Variants in JARID2 observed in about 807,000 individuals in gnomAD.
JARID2 encodes the protein jumonji and AT-rich interaction domain containing 2.
JARID2 carries 21 observed loss-of-function variants against 125.6 expected under a neutral mutation model. That is an observed-to-expected ratio of 0.17 (90% confidence interval 0.12 to 0.24). JARID2 has a LOEUF of 0.24. JARID2 is among the 10% of genes least tolerant of loss of function. The pLI, the probability that JARID2 is intolerant of heterozygous loss-of-function variation, is 1.00. For synonymous variants in JARID2, 736 were observed against 661.6 expected (o/e 1.11, Z -1.73); for missense variants, 1,303 against 1,639.6 (o/e 0.79, Z 3.55).
At chr6:15,314,588 T>C (rs1250955499) in intron 1 of JARID2, among the ~76,000 whole-genome samples, 2 of 152,188 alleles carry the variant, frequency 1.3e-5, no homozygotes, top group African/African-American at 4.8e-5. Flanking sequence ...TTAGACATAG[T>C]TTAATCAGTT....
intron 6 of JARID2, among the ~76,000 whole-genome samples, chr6:15,493,490 TGTCC>T (rs1323135458): frequency 6.6e-6 from 1 of 152,170 alleles, no homozygotes; most frequent in Non-Finnish European, 1.5e-5. Context: ...AGCCGCACTG[TGTCC>T]GTCTCCTTAA....
chr6:15,393,217 A>G (rs35096079), intron 2 of JARID2, among the ~76,000 whole-genome samples: 2,701 of 152,114 alleles, frequency 0.018, 49 homozygotes, highest in Non-Finnish European at 0.027. Context: ...AAAAATTGAT[A>G]TTTTACTCAA....
chr6:15,335,261 G>A (rs1234962498), intron 1 of JARID2, among the ~76,000 whole-genome samples: 1 of 152,024 alleles, frequency 6.6e-6, no homozygotes, highest in African/African-American at 2.4e-5. Flanking sequence ...CACTATGCCC[G>A]GCTAATTTTT....
intron 5 of JARID2, among the ~76,000 whole-genome samples, chr6:15,470,184 A>G (rs1769005576): frequency 6.6e-6 from 1 of 151,626 alleles, no homozygotes; most frequent in Non-Finnish European, 1.5e-5. Context: ...CTCAAAAAAA[A>G]AAAAAAAGTA....
At chr6:15,469,339 G>GTC (rs146456388) in intron 5 of JARID2, among the ~76,000 whole-genome samples, 2,514 of 14,272 alleles carry the variant, frequency 0.18, 410 homozygotes, top group Non-Finnish European at 0.19. Context: ...TCTCTCTCCT[G>GTC]TCTCTCTCTC....
At chr6:15,259,575 A>G (rs1007757101) in intron 1 of JARID2, among the ~76,000 whole-genome samples, 1 of 152,192 alleles carries the variant, frequency 6.6e-6, no homozygotes, top group East Asian at 1.9e-4. Flanking sequence ...TGCCAAAAGA[A>G]TGGTGGACTT....
At chr6:15,429,439 C>A (rs1766878043) in intron 3 of JARID2, among the ~76,000 whole-genome samples, 2 of 152,100 alleles carry the variant, frequency 1.3e-5, no homozygotes, top group South Asian at 4.2e-4. Context: ...CATACATTTT[C>A]ATATTTTGTA....
intron 1 of JARID2, among the ~76,000 whole-genome samples, chr6:15,292,785 GCATCCTGAGTGGCTGGAAC>G (rs1761276201): frequency 6.6e-6 from 1 of 152,140 alleles, no homozygotes; most frequent in African/African-American, 2.4e-5. Flanking sequence ...GTCCACTTCA[GCATCCTGAGTGGCTGGAAC>G]CATTGGTGTG....
At chr6:15,302,347 C>T (rs745895809) in intron 1 of JARID2, among the ~76,000 whole-genome samples, 5 of 151,930 alleles carry the variant, frequency 3.3e-5, no homozygotes, top group East Asian at 1.9e-4. Context: ...ACCTGGGAAG[C>T]GGAGTTGCAG....
intron 1 of JARID2, among the ~76,000 whole-genome samples, chr6:15,347,759 G>A (rs1308545137): frequency 2.0e-5 from 3 of 152,148 alleles, no homozygotes; most frequent in East Asian, 1.9e-4. Context: ...GCTCTGTCAC[G>A]CAAGCTGGAG....
chr6:15,321,049 C>T (rs959492740), intron 1 of JARID2, among the ~76,000 whole-genome samples: 12 of 152,068 alleles, frequency 7.9e-5, no homozygotes, highest in African/African-American at 2.9e-4. Flanking sequence ...TAGTATTTTG[C>T]AGTAGTTAGT....
chr6:15,443,971 G>A (rs1347969048), intron 3 of JARID2, among the ~76,000 whole-genome samples: 4 of 152,204 alleles, frequency 2.6e-5, no homozygotes, highest in African/African-American at 7.2e-5. Context: ...TTCCGGCTAT[G>A]GCAAATGTTT....
At chr6:15,402,365 C>T (rs1462419545) in intron 2 of JARID2, among the ~76,000 whole-genome samples, 1 of 152,126 alleles carries the variant, frequency 6.6e-6, no homozygotes, top group Non-Finnish European at 1.5e-5. Context: ...CTTTAGAGAC[C>T]TAAGTACATA....
At chr6:15,462,007 G>A (rs953932282) in intron 4 of JARID2, among the ~76,000 whole-genome samples, 6 of 152,134 alleles carry the variant, frequency 3.9e-5, no homozygotes, top group African/African-American at 1.2e-4. Flanking sequence ...ATGCTATTGA[G>A]GGCTGCTTCC....
At chr6:15,253,160 T>A (rs1759521487) in intron 1 of JARID2, among the ~76,000 whole-genome samples, 1 of 151,812 alleles carries the variant, frequency 6.6e-6, no homozygotes, top group South Asian at 2.1e-4. Context: ...AGCTCCTGGG[T>A]TCAAGCTATT....
intron 2 of JARID2, among the ~76,000 whole-genome samples, chr6:15,388,818 T>C (rs979641327): frequency 2.0e-5 from 3 of 152,150 alleles, no homozygotes; most frequent in African/African-American, 7.2e-5. Flanking sequence ...ACTAGTGTTC[T>C]TGCTTCATTT....
intron 1 of JARID2, among the ~76,000 whole-genome samples, chr6:15,331,801 C>T (rs557994560): frequency 2.6e-5 from 4 of 152,276 alleles, no homozygotes; most frequent in South Asian, 4.1e-4. Flanking sequence ...GCCTGGGCAA[C>T]AAGAGTGAAA....
In JARID2 at chr6:15,496,411, G is replaced by A. The variant is rs1412263871; in HGVS notation, c.1186G>A (p.Ala396Thr). Residue 396 changes from alanine (A) to threonine (T), a missense_variant, in exon 7 of 18, where the codon GCG (alanine) becomes ACG (threonine). Physicochemically the swap from Ala to Thr is moderately conservative, Grantham distance 58 (BLOSUM62 0). Around this residue, in one of 11 missense-constraint regions of JARID2, gnomAD observed 651 missense variants for 581.6 expected, o/e 1.12. Coordinates refer to ENST00000341776, the MANE Select transcript of JARID2 (RefSeq NM_004973.4). ...CAAACAGGTGCTATCCCTCGGGGGG[G>A]CGTCCAAGTCCACTGGGCCCGCCGT... ...TRKQVLSLGG[A>T]SKSTGPAVNG... 2 of 1,613,772 alleles carry A rather than the reference G, an allele frequency of 1.2e-6. No homozygotes were observed. The highest frequency in any genetic ancestry group is 1.7e-5 in the Admixed American group (1 of 60,030).
chr6:15,413,873 CCT>C (rs1371731466), intron 3 of JARID2, among the ~76,000 whole-genome samples: 2 of 152,152 alleles, frequency 1.3e-5, no homozygotes, highest in African/African-American at 4.8e-5. Context: ...AAGATCTCAC[CCT>C]CTCAGCACTG....
Sources: allele counts gnomAD v4.1 joint callset (sites outside exome capture counted in the v4.1 genomes callset), GRCh38; gene constraint gnomAD v4.1.1; regional missense constraint gnomAD v4.1.1; transcripts MANE v1.5; gene names NCBI Gene and HGNC (gene_info 2026-07-23, HGNC 2026-07-21).